Variants in DCK observed in about 807,000 individuals in gnomAD.
DCK encodes the protein deoxyadenosine kinase.
A neutral mutation model predicts 38.3 loss-of-function variants in DCK; 23 were observed. That is an observed-to-expected ratio of 0.60 (90% CI 0.43 to 0.85). DCK has a LOEUF of 0.85. Ranked by LOEUF, DCK falls within the 40% of genes least tolerant of loss-of-function variation. The probability of loss-of-function intolerance (pLI) is 0.00; values close to 1 mark genes in which losing one functional copy is unlikely to be tolerated. For synonymous variants in DCK, 108 were observed against 100.6 expected (o/e 1.07, Z -0.44); for missense variants, 259 against 304.4 (o/e 0.85, Z 1.11).
chr4:71,018,667 T>A (rs1740334679), intron 2 of DCK, among the ~76,000 whole-genome samples: 1 of 704 alleles, frequency 1.4e-3, no homozygotes, highest in East Asian at 0.1. Flanking sequence ...ATTTTTTAGA[T>A]TTTTTTTTTT....
In DCK at chr4:71,029,797, G is replaced by C. The variant is rs1247597786; in HGVS notation, c.*419G>C. 5.8e-6 allele frequency: 1 copy of C among 172,760 alleles called. No individual in the cohort carries two copies. The highest frequency in any genetic ancestry group is 1.7e-4 in the East Asian group (1 of 5,736). 10.7% of individuals were successfully genotyped at this position (172,760 alleles called of 1,614,324 possible). On this transcript the variant is annotated 3_prime_UTR_variant, in exon 7 of 7. Coordinates refer to ENST00000286648, the MANE Select transcript of DCK (RefSeq NM_000788.3). ...AAGCTTTAATGTTACATAGTAAATG[G>C]TAGTGTGTCCTGTGTAAATTAGTGT...
intron 2 of DCK, among the ~76,000 whole-genome samples, chr4:71,007,364 A>G (rs1323482871): frequency 6.6e-6 from 1 of 152,216 alleles, no homozygotes; most frequent in Non-Finnish European, 1.5e-5. Flanking sequence ...TTTAAAGTTG[A>G]CATCTTTATA....
At chr4:71,027,671 TA>T (rs1250713570) in intron 6 of DCK, among the ~76,000 whole-genome samples, 2 of 152,196 alleles carry the variant, frequency 1.3e-5, no homozygotes, top group Admixed American at 1.3e-4. Flanking sequence ...CTTGACATTT[TA>T]TGTAACTACT....
At chr4:70,995,003 A>C (rs1348194768) in intron 1 of DCK, among the ~76,000 whole-genome samples, 1 of 152,224 alleles carries the variant, frequency 6.6e-6, no homozygotes, top group East Asian at 1.9e-4. Flanking sequence ...TGCATACAGC[A>C]AATTTTTTAA....
Position 71,022,552 on chromosome 4 carries a change from T to C in DCK, c.393T>C (p.Tyr131=), listed in dbSNP as rs112362102. 1 of 1,540,352 alleles carries C rather than the reference T, an allele frequency of 6.5e-7. No individual in the cohort carries two copies. The highest frequency in any genetic ancestry group is 8.7e-7 in the Non-Finnish European group (1 of 1,147,916). Residue 131 remains tyrosine (Y), a synonymous_variant, in exon 3 of 7, where the codon TAT becomes TAC. Transcript: ENST00000286648. ...TATTATTTTTTGAACGATCTGTGTATAGTGACAGGTATGTATAAATGGCTT... is the reference window on the plus strand; with the variant it reads ...TATTATTTTTTGAACGATCTGTGTACAGTGACAGGTATGTATAAATGGCTT... ...KPVLFFERSV[Y]SDRYIFASNL... is the part of the protein sequence containing the mutation.
chr4:70,999,289 T>C (rs1739731168), intron 2 of DCK, among the ~76,000 whole-genome samples: 1 of 152,156 alleles, frequency 6.6e-6, no homozygotes, highest in South Asian at 2.1e-4. Flanking sequence ...CCTGTTCCTG[T>C]GTTAGCTTGC....
chr4:71,001,719 G>C (rs565871156), intron 2 of DCK, among the ~76,000 whole-genome samples: 1 of 152,104 alleles, frequency 6.6e-6, no homozygotes, highest in African/African-American at 2.4e-5. Flanking sequence ...TTGGGAGGGC[G>C]TATGTGTCCA....
At chr4:71,003,176 T>G (rs1739854389) in intron 2 of DCK, among the ~76,000 whole-genome samples, 1 of 152,206 alleles carries the variant, frequency 6.6e-6, no homozygotes, top group African/African-American at 2.4e-5. Flanking sequence ...CCTCTACATT[T>G]GCCTGTCTGT....
At chr4:71,010,524 A>T (rs79004565) in intron 2 of DCK, among the ~76,000 whole-genome samples, 66 of 150,332 alleles carry the variant, frequency 4.4e-4, no homozygotes, top group African/African-American at 1.5e-3. Flanking sequence ...CTTTTGGAGG[A>T]TCACTATTAT....
At chr4:70,998,917 T>A (rs1269090257) in intron 2 of DCK, among the ~76,000 whole-genome samples, 4 of 150,196 alleles carry the variant, frequency 2.7e-5, no homozygotes, top group Non-Finnish European at 4.4e-5. Context: ...AATGAGACAC[T>A]GTCTCAACAA....
chr4:71,029,249 A>G (rs1238772572), intron 6 of DCK, 103 bp from the exon 7 acceptor site: 6 of 668,006 alleles, frequency 9.0e-6, no homozygotes, highest in Non-Finnish European at 1.5e-5. Flanking sequence ...TTACTTATAC[A>G]GCTGGGGTCT....
At chr4:71,026,807 C>T in intron 6 of DCK, 52 bp downstream of exon 6, 1 of 878,094 alleles carries the variant, frequency 1.1e-6, no homozygotes, top group Non-Finnish European at 1.8e-6. Context: ...AAAAAGTGTA[C>T]TGAGTGGTGA....
In DCK at chr4:71,028,616, G is replaced by C. The variant is rs952098374; in HGVS notation, c.757-736G>C. 4.1e-5 allele frequency: 10 copies of C among 245,450 alleles called. No individual in the cohort carries two copies. In the Admixed American group the frequency reaches 6.0e-4, roughly 15 times the overall value. The allele number at this position is 245,450 out of a possible 1,614,324, so 15.2% of individuals were successfully genotyped here. A position where few individuals can be genotyped will look rare whatever the true frequency, so the allele number is the denominator to read the frequency against. On this transcript the variant is annotated intron_variant, in intron 6 of 6. Coordinates refer to ENST00000286648, the MANE Select transcript of DCK (RefSeq NM_000788.3). The stretch of plus-strand genomic sequence containing the variant: ...TTTAACAATATTTCTTTTTTTTCTC[G>C]AGACAGTCTTGCTCCGTCGCCCAGG...
rs181745362 is a variant in DCK, at chr4:71,023,707, G to A, written c.549+1G>A. The A allele has an allele frequency of 6.3e-7, 1 of 1,599,200 alleles. No individual in the cohort carries two copies. Among genetic ancestry groups the A allele is most frequent in the East Asian group, 2.2e-5 (1 of 44,684 alleles). On this transcript the variant is annotated splice_donor_variant, in intron 4 of 6. Coordinates refer to ENST00000286648, the MANE Select transcript of DCK (RefSeq NM_000788.3). LOFTEE classifies it high-confidence loss of function. ...CATTTATCTTCAAGCCACTCCAGAG[G>A]TAAAACCCAATAAAAATGTGTTTCA...
intron 2 of DCK, among the ~76,000 whole-genome samples, chr4:71,012,970 T>C (rs1332896504): frequency 6.6e-6 from 1 of 152,176 alleles, no homozygotes; most frequent in Admixed American, 6.5e-5. Flanking sequence ...TTCTCCGAGC[T>C]AAAGGAGGAA....
chr4:71,017,670 G>T (rs1400250317), intron 2 of DCK, among the ~76,000 whole-genome samples: 1 of 151,100 alleles, frequency 6.6e-6, no homozygotes, highest in Non-Finnish European at 1.5e-5. Context: ...TCAGCAAACT[G>T]TCGCAGGGAA....
intron 2 of DCK, among the ~76,000 whole-genome samples, chr4:70,999,344 A>G (rs1739732051): frequency 6.6e-6 from 1 of 152,220 alleles, no homozygotes; most frequent in African/African-American, 2.4e-5. Flanking sequence ...TGCAAAGGTT[A>G]TGAACTCATT....
At chr4:71,023,457 G>T in intron 3 of DCK, 102 bp from the exon 4 acceptor site, 1 of 768,374 alleles carries the variant, frequency 1.3e-6, no homozygotes, top group Non-Finnish European at 2.0e-6. Context: ...GGCACTATGT[G>T]CCACTGGATT....
chr4:71,006,666 G>C (rs946003116), intron 2 of DCK, among the ~76,000 whole-genome samples: 1 of 152,042 alleles, frequency 6.6e-6, no homozygotes, highest in Non-Finnish European at 1.5e-5. Flanking sequence ...AAATTAGCTA[G>C]GTGTGGTAGC....
Sources: allele counts gnomAD v4.1 joint callset (sites outside exome capture counted in the v4.1 genomes callset), GRCh38; gene constraint gnomAD v4.1.1; transcripts MANE v1.5; gene names NCBI Gene and HGNC (gene_info 2026-07-23, HGNC 2026-07-21).